SIPA1L1: variants seen among roughly 807,000 people sequenced by gnomAD.
The protein encoded by SIPA1L1 is signal induced proliferation associated 1 like 1, also known as signal-induced proliferation-associated 1-like protein 1.
A neutral mutation model predicts 162.7 loss-of-function variants in SIPA1L1; 26 were observed. That is an observed-to-expected ratio of 0.16 (90% CI 0.12 to 0.22). The LOEUF (loss-of-function observed/expected upper bound fraction) is 0.22. Ranked by LOEUF, SIPA1L1 falls within the 10% of genes least tolerant of loss-of-function variation. SIPA1L1 has a pLI of 1.00. For missense variants in SIPA1L1, 1,874 were observed against 2,241.0 expected (o/e 0.84, Z 3.31); for synonymous variants, 829 against 837.4 (o/e 0.99, Z 0.17).
chr14:71,513,049 G>C (rs533346531), intron 3 of SIPA1L1, among the ~76,000 whole-genome samples: 1 of 152,004 alleles, frequency 6.6e-6, no homozygotes, highest in Non-Finnish European at 1.5e-5. Flanking sequence ...CTGATGTCTC[G>C]TGTCTCCCTA....
chr14:71,348,640 G>A (rs987119067), intron 2 of SIPA1L1, among the ~76,000 whole-genome samples: 1 of 152,146 alleles, frequency 6.6e-6, no homozygotes, highest in Non-Finnish European at 1.5e-5. Flanking sequence ...TCTGTGTTCC[G>A]CTTTATTAAA....
In SIPA1L1 at chr14:71,350,598, G is replaced by GA. The variant is rs139195189; in HGVS notation, c.-465+29422dup. ...GGAGCAGAATGATCAGATTTGCATT[G>GA]AAAAAGTTTGCTCATAATGTGGAAA... On this transcript the variant is annotated intron_variant, in intron 2 of 23. Coordinates refer to ENST00000381232, the MANE Select transcript of SIPA1L1 (RefSeq NM_001386936.1). Among the ~76,000 whole-genome samples, 963 of 152,200 alleles carry GA rather than the reference G, an allele frequency of 6.3e-3. 22 individuals are homozygous for GA. The East Asian group carries it at 0.074, about 12-fold the overall frequency.
intron 2 of SIPA1L1, among the ~76,000 whole-genome samples, chr14:71,439,701 T>C (rs2044681880): frequency 6.6e-6 from 1 of 152,262 alleles, no homozygotes; most frequent in Admixed American, 6.5e-5. Context: ...TCACTGTTTC[T>C]GTTGTTTCTA....
intron 4 of SIPA1L1, among the ~76,000 whole-genome samples, chr14:71,578,374 C>T (rs2033431333): frequency 6.6e-6 from 1 of 152,160 alleles, no homozygotes; most frequent in Non-Finnish European, 1.5e-5. Context: ...GGCCTGACCA[C>T]TCCTTTACCT....
intron 5 of SIPA1L1, among the ~76,000 whole-genome samples, chr14:71,591,931 G>T (rs560795401): frequency 6.6e-6 from 1 of 152,110 alleles, no homozygotes; most frequent in East Asian, 1.9e-4. Flanking sequence ...GTTTTTAATA[G>T]GAACAACGTT....
intron 2 of SIPA1L1, among the ~76,000 whole-genome samples, chr14:71,497,197 A>G (rs921048295): frequency 3.9e-5 from 6 of 152,064 alleles, no homozygotes; most frequent in Non-Finnish European, 8.8e-5. Context: ...AAAAACAAAA[A>G]AAAAGATCCT....
intron 2 of SIPA1L1, among the ~76,000 whole-genome samples, chr14:71,329,023 G>A (rs555159511): frequency 1.8e-4 from 28 of 152,148 alleles, no homozygotes; most frequent in Non-Finnish European, 2.9e-4. Flanking sequence ...GTGGAATCAT[G>A]TAGTATTTGT....
intron 5 of SIPA1L1, among the ~76,000 whole-genome samples, chr14:71,595,465 A>G (rs952620944): frequency 9.2e-5 from 14 of 152,164 alleles, no homozygotes; most frequent in African/African-American, 3.4e-4. Flanking sequence ...TTGATGCTCA[A>G]CTATACAGCT....
At chr14:71,693,744 T>A (rs1367761465) in intron 13 of SIPA1L1, among the ~76,000 whole-genome samples, 1 of 151,742 alleles carries the variant, frequency 6.6e-6, no homozygotes, top group East Asian at 1.9e-4. Context: ...TTTTACATAA[T>A]TTTGGAAGAA....
chr14:71,361,745 A>T (rs748641159), intron 2 of SIPA1L1, among the ~76,000 whole-genome samples: 1 of 152,180 alleles, frequency 6.6e-6, no homozygotes, highest in Non-Finnish European at 1.5e-5. Flanking sequence ...GCAGTTTGCC[A>T]TGTGGGGTCC....
chr14:71,479,452 G>T (rs1305176565), intron 2 of SIPA1L1, among the ~76,000 whole-genome samples: 2 of 152,012 alleles, frequency 1.3e-5, no homozygotes, highest in East Asian at 1.9e-4. Context: ...CTGGAGTTTA[G>T]TGGCACAATT....
chr14:71,658,771 T>C (rs2043275026), intron 9 of SIPA1L1, among the ~76,000 whole-genome samples: 1 of 152,156 alleles, frequency 6.6e-6, no homozygotes, highest in Admixed American at 6.5e-5. Flanking sequence ...CATGAGTGGG[T>C]GAAGTTTCAT....
chr14:71,433,218 G>A (rs142769562), intron 2 of SIPA1L1, among the ~76,000 whole-genome samples: 6 of 152,148 alleles, frequency 3.9e-5, no homozygotes, highest in Non-Finnish European at 5.9e-5. Context: ...CTTTTTACCC[G>A]TTCAGGGAAC....
At position 71,740,593 on chromosome 14, in the gene SIPA1L1, CT is replaced by C; in HGVS notation, c.*1434del. On this transcript the variant is annotated 3_prime_UTR_variant, in exon 24 of 24. Coordinates refer to ENST00000381232, the MANE Select transcript of SIPA1L1 (RefSeq NM_001386936.1). ...TCCCTCACCCAAGTAATCTCAATTC[CT>C]TCCTCTCTCCATCCCTGAAAGAAAC... is the stretch of plus-strand genomic sequence containing the variant. 6.6e-6 allele frequency: 1 copy of C among 152,338 alleles called. No individual in the cohort carries two copies. The highest frequency in any genetic ancestry group is 2.4e-5 in the African/African-American group (1 of 41,574). The allele number at this position is 152,338 out of a possible 1,614,324, so 9.4% of individuals were successfully genotyped here.
In SIPA1L1 at chr14:71,438,826, A is replaced by C. The variant is rs572070509; in HGVS notation, c.-464-73917A>C. Reference sequence around the variant, plus strand: ...TGCCTGGGTTTTGGGTCATGCTCTCATGTGCTTCTGCCTGCAGCTTACTTG... The same window carrying C: ...TGCCTGGGTTTTGGGTCATGCTCTCCTGTGCTTCTGCCTGCAGCTTACTTG... On this transcript the variant is annotated intron_variant, in intron 2 of 23. Transcript: ENST00000381232. 3.3e-5 allele frequency among the ~76,000 whole-genome samples: 5 copies of C among 152,276 alleles called. No homozygotes were observed. In the South Asian group the frequency reaches 1.0e-3, roughly 32 times the overall value.
intron 7 of SIPA1L1, among the ~76,000 whole-genome samples, chr14:71,629,567 A>C (rs1403671644): frequency 6.6e-6 from 1 of 152,164 alleles, no homozygotes; most frequent in Non-Finnish European, 1.5e-5. Flanking sequence ...AACCCAAATA[A>C]AATTGGAATG....
chr14:71,534,936 A>G (rs1023953271), intron 4 of SIPA1L1, among the ~76,000 whole-genome samples: 7 of 152,262 alleles, frequency 4.6e-5, no homozygotes, highest in African/African-American at 1.7e-4. Context: ...GTATTCGTTC[A>G]GAGCATCAAG....
At chr14:71,603,934 T>C (rs1173231948) in intron 5 of SIPA1L1, among the ~76,000 whole-genome samples, 1 of 144,382 alleles carries the variant, frequency 6.9e-6, no homozygotes. Flanking sequence ...TATATATATT[T>C]ATATATCTAT....
At chr14:71,416,265 A>G (rs554969850) in intron 2 of SIPA1L1, 1 of 152,338 alleles carries the variant, frequency 6.6e-6, no homozygotes, top group East Asian at 1.9e-4. Context: ...AGATTTTACA[A>G]TCTAGCTCTA....
Sources: allele counts gnomAD v4.1 joint callset (sites outside exome capture counted in the v4.1 genomes callset), GRCh38; gene constraint gnomAD v4.1.1; transcripts MANE v1.5; gene names NCBI Gene and HGNC (gene_info 2026-07-23, HGNC 2026-07-21).